SOX5: variants seen among roughly 807,000 people sequenced by gnomAD.
The protein encoded by SOX5 is transcription factor SOX-5.
In SOX5, 9 loss-of-function variants were observed where a neutral mutation model predicts 92.0. That is an observed-to-expected ratio of 0.10 (90% CI 0.06 to 0.17). SOX5 has a LOEUF of 0.17. SOX5 is among the 10% of genes least tolerant of loss of function. The pLI, the probability that SOX5 is intolerant of heterozygous loss-of-function variation, is 1.00. For missense variants in SOX5, 642 were observed against 944.5 expected (o/e 0.68, Z 4.20); for synonymous variants, 344 against 336.3 (o/e 1.02, Z -0.25).
intron 4 of SOX5, among the ~76,000 whole-genome samples, chr12:24,038,671 T>C (rs996329332): frequency 6.6e-5 from 10 of 152,218 alleles, no homozygotes; most frequent in African/African-American, 2.4e-4. Flanking sequence ...CCATTTCTTA[T>C]GGTGGGAAAT....
At chr12:24,500,154 T>C (rs1015872158) in intron 1 of SOX5, among the ~76,000 whole-genome samples, 5 of 152,214 alleles carry the variant, frequency 3.3e-5, no homozygotes, top group African/African-American at 1.2e-4. Context: ...ACCATCTTTA[T>C]GTGGTGAGTG....
chr12:24,084,717 C>T (rs1943756613), intron 4 of SOX5, among the ~76,000 whole-genome samples: 1 of 152,006 alleles, frequency 6.6e-6, no homozygotes, highest in Non-Finnish European at 1.5e-5. Flanking sequence ...AGTTTCTAAT[C>T]ATCTTCTCCC....
At chr12:23,937,478 C>A (rs1038947710) in intron 1 of SOX5, among the ~76,000 whole-genome samples, 7 of 150,810 alleles carry the variant, frequency 4.6e-5, no homozygotes, top group African/African-American at 1.5e-4. Context: ...AAATTCAGAA[C>A]AAATGGGAAA....
chr12:23,788,958 G>T lies in SOX5; in HGVS notation c.482-33234C>A, dbSNP rs192855416. Among the ~76,000 whole-genome samples the T allele has an allele frequency of 8.6e-5, 13 of 151,788 alleles. No individual in the cohort carries two copies. In the East Asian group the frequency reaches 2.5e-3, roughly 29 times the overall value. ...ACAAGATAAAAATAAATTTATTAAG[G>T]GCCATAGAGAATATTTGTAACCTAT... On this transcript the variant is annotated intron_variant, in intron 3 of 14. Coordinates refer to ENST00000451604, the MANE Select transcript of SOX5 (RefSeq NM_006940.6).
chr12:24,555,200 G>A (rs912071770), intron 1 of SOX5, among the ~76,000 whole-genome samples: 3 of 152,322 alleles, frequency 2.0e-5, no homozygotes, highest in Non-Finnish European at 2.9e-5. Flanking sequence ...GGTGTTTGAG[G>A]CTCAAGATAA....
At chr12:23,631,635 T>C (rs1349074937) in intron 8 of SOX5, among the ~76,000 whole-genome samples, 1 of 152,138 alleles carries the variant, frequency 6.6e-6, no homozygotes, top group Non-Finnish European at 1.5e-5. Context: ...GGGCATGGAC[T>C]TGTGACCAGA....
chr12:24,099,871 A>G (rs1170699840), intron 4 of SOX5, among the ~76,000 whole-genome samples: 1 of 152,128 alleles, frequency 6.6e-6, no homozygotes, highest in Non-Finnish European at 1.5e-5. Flanking sequence ...TAGCTGTGAG[A>G]CAAGCTGTAA....
At chr12:23,618,030 C>T (rs986580801) in intron 8 of SOX5, among the ~76,000 whole-genome samples, 4 of 152,144 alleles carry the variant, frequency 2.6e-5, no homozygotes, top group African/African-American at 4.8e-5. Context: ...TCCAGACTTG[C>T]TGTTTGTTAC....
In SOX5 at chr12:24,560,155, G is replaced by A. The variant is rs548143146; in HGVS notation, c.-251+2174C>T. Among the ~76,000 whole-genome samples, 19 of 152,264 alleles carry A rather than the reference G, an allele frequency of 1.2e-4. No homozygotes were observed. The South Asian group carries it at 3.5e-3, about 28-fold the overall frequency. ...TGATTCTTCAGGAACAAGGTTGTTA[G>A]AAGAGAGATCACTGGAAAGAAAAGG... On this transcript the variant is annotated intron_variant, in intron 1 of 4. Coordinates refer to the SOX5 transcript ENST00000446891.
At chr12:24,095,582 A>G (rs1289666501) in intron 4 of SOX5, among the ~76,000 whole-genome samples, 1 of 152,108 alleles carries the variant, frequency 6.6e-6, no homozygotes, top group Non-Finnish European at 1.5e-5. Context: ...GTTTAAAACA[A>G]CTTTTTAAAA....
chr12:23,734,990 G>A (rs1040980108), intron 5 of SOX5, among the ~76,000 whole-genome samples: 1 of 152,178 alleles, frequency 6.6e-6, no homozygotes, highest in African/African-American at 2.4e-5. Flanking sequence ...TACCACGGCA[G>A]TGATCAATCC....
exon 4 of SOX5, chr12:24,213,379 G>A (rs1232362802): frequency 2.1e-5 from 3 of 146,032 alleles, no homozygotes; most frequent in African/African-American, 7.6e-5. Flanking sequence ...CCCACTCCCG[G>A]TGTCCTGATG....
rs144242462 is a variant in SOX5 at position 24,445,157 on chromosome 12, C to T, written c.-250-76518G>A. Among the ~76,000 whole-genome samples the T allele has an allele frequency of 3.8e-3, 576 of 152,212 alleles. 5 individuals carry two copies. The highest frequency in any genetic ancestry group is 0.013 in the African/African-American group (536 of 41,528). ...AGTTAGTTAAAACAATAAGTCATTT[C>T]AAGTTAAACGAGAATTGTCAGTTAG... On this transcript the variant is annotated intron_variant, in intron 1 of 4. Transcript: ENST00000446891.
At chr12:23,805,588 C>A (rs771707583) in intron 3 of SOX5, among the ~76,000 whole-genome samples, 52 of 152,068 alleles carry the variant, frequency 3.4e-4, no homozygotes, top group Non-Finnish European at 6.8e-4. Flanking sequence ...ATGGTTTATG[C>A]ATTTTATACA....
chr12:24,408,275 G>T (rs74068304), intron 1 of SOX5, among the ~76,000 whole-genome samples: 2 of 152,160 alleles, frequency 1.3e-5, no homozygotes, highest in Non-Finnish European at 2.9e-5. Context: ...GATGCTTTCA[G>T]ATTTTAATCT....
chr12:23,662,799 G>A (rs1437390680), intron 7 of SOX5, among the ~76,000 whole-genome samples: 1 of 152,050 alleles, frequency 6.6e-6, no homozygotes, highest in Non-Finnish European at 1.5e-5. Flanking sequence ...AAACAGAAAC[G>A]TTTATCATCA....
intron 4 of SOX5, among the ~76,000 whole-genome samples, chr12:24,037,123 A>G (rs1315400004): frequency 5.9e-5 from 9 of 152,144 alleles, no homozygotes; most frequent in African/African-American, 1.7e-4. Context: ...AGTTAGCATT[A>G]GTGATAGGGG....
In SOX5 at chr12:23,533,099, CT is replaced by C. The variant is rs1167137506; in HGVS notation, c.*1119del. On this transcript the variant is annotated 3_prime_UTR_variant, in exon 15 of 15. Coordinates refer to ENST00000451604, the MANE Select transcript of SOX5 (RefSeq NM_006940.6). ...AAAAATATAATTTCTGAGCCCTATACTTGGTTAAGTTGTCATTTGAAGTGCA... is the reference window on the plus strand; with the variant it reads ...AAAAATATAATTTCTGAGCCCTATACTGGTTAAGTTGTCATTTGAAGTGCA... 17 of 450,592 alleles carry C rather than the reference CT, an allele frequency of 3.8e-5. No individual in the cohort carries two copies. The East Asian group carries it at 1.1e-3, about 30-fold the overall frequency. 27.9% of individuals were successfully genotyped at this position (450,592 alleles called of 1,614,324 possible). A position where few individuals can be genotyped will look rare whatever the true frequency, so the allele number is the denominator to read the frequency against.
At chr12:24,050,084 C>CAAAA (rs10687571) in intron 4 of SOX5, among the ~76,000 whole-genome samples, 1,959 of 73,504 alleles carry the variant, frequency 0.027, 95 homozygotes, top group East Asian at 0.069. Context: ...GGCGCAGAGG[C>CAAAA]AAAAAAAAAA....
Sources: allele counts gnomAD v4.1 joint callset (sites outside exome capture counted in the v4.1 genomes callset), GRCh38; gene constraint gnomAD v4.1.1; transcripts MANE v1.5; gene names NCBI Gene and HGNC (gene_info 2026-07-23, HGNC 2026-07-21).